The following DGKI variants were observed in gnomAD, a reference collection of about 807,000 sequenced individuals.
DGKI encodes the protein DAG kinase iota.
DGKI carries 55 observed loss-of-function variants against 147.5 expected under a neutral mutation model. The ratio of observed to expected loss-of-function variants is 0.37; its 90% CI spans 0.30 to 0.47. The LOEUF (loss-of-function observed/expected upper bound fraction) is 0.47. DGKI is among the 20% of genes least tolerant of loss of function. The pLI is 1.00. For synonymous variants in DGKI, 469 were observed against 477.1 expected (o/e 0.98, Z 0.22); for missense variants, 1,007 against 1,323.8 (o/e 0.76, Z 3.71).
intron 28 of DGKI, among the ~76,000 whole-genome samples, chr7:137,439,614 G>C (rs1276354080): frequency 6.6e-6 from 1 of 152,206 alleles, no homozygotes; most frequent in Non-Finnish European, 1.5e-5. Context: ...TTCAAGGTGA[G>C]ATTTAGGTGG....
At chr7:137,750,851 C>T (rs1465915820) in intron 1 of DGKI, among the ~76,000 whole-genome samples, 1 of 152,146 alleles carries the variant, frequency 6.6e-6, no homozygotes, top group East Asian at 1.9e-4. Context: ...TGATATTCTC[C>T]ACATCCACAG....
chr7:137,645,569 T>A (rs745329416), intron 5 of DGKI, 32 bp from the exon 6 acceptor site: 15 of 1,578,804 alleles, frequency 9.5e-6, no homozygotes, highest in East Asian at 2.4e-5. Context: ...TGAATATTTT[T>A]AAAAATTTAT....
chr7:137,770,858 TA>T (rs1217143071), intron 1 of DGKI, among the ~76,000 whole-genome samples: 1 of 152,144 alleles, frequency 6.6e-6, no homozygotes, highest in Non-Finnish European at 1.5e-5. Flanking sequence ...TAAAATATTT[TA>T]GGGCCTTTTT....
chr7:137,664,268 C>G (rs1456630490), intron 3 of DGKI, among the ~76,000 whole-genome samples: 1 of 151,418 alleles, frequency 6.6e-6, no homozygotes, highest in Non-Finnish European at 1.5e-5. Flanking sequence ...ATCCCAGCTA[C>G]CCGGGAGGCT....
intron 1 of DGKI, among the ~76,000 whole-genome samples, chr7:137,707,021 C>T (rs961546422): frequency 4.6e-5 from 7 of 152,192 alleles, no homozygotes; most frequent in African/African-American, 1.2e-4. Flanking sequence ...GCTATTTCCC[C>T]AGTCGTGACA....
chr7:137,620,201 A>G (rs1396660671), intron 7 of DGKI, among the ~76,000 whole-genome samples: 1 of 152,180 alleles, frequency 6.6e-6, no homozygotes, highest in Non-Finnish European at 1.5e-5. Context: ...TTACAAACTT[A>G]TAACATTGAT....
rs188378437 is a variant in DGKI, at chr7:137,644,813, T to C, written c.804+659A>G. Among the ~76,000 whole-genome samples the C allele has an allele frequency of 7.9e-5, 12 of 152,292 alleles. No individual in the cohort carries two copies. The East Asian group carries it at 2.1e-3, about 27-fold the overall frequency. On this transcript the variant is annotated intron_variant, in intron 6 of 32. Transcript: ENST00000614521. ...CTGTCATCCTTAAAGTAGATCTTTG[T>C]ACATTGGAAAAAGCTGTAACCCAAA...
chr7:137,469,573 G>C lies in DGKI; in HGVS notation c.2420C>G (p.Ser807Cys). 6.2e-7 allele frequency: 1 copy of C among 1,614,058 alleles called. No homozygotes were observed. The highest frequency in any genetic ancestry group is 1.7e-5 in the Admixed American group (1 of 60,006). The change falls in exon 24 of 33, where the codon TCT (serine) becomes TGT (cysteine). Residue 807 changes from serine (S) to cysteine (C), a missense_variant. Ser to Cys is a moderately radical substitution (Grantham distance 112). Around this residue, in one of 5 missense-constraint regions of DGKI, gnomAD observed 385 missense variants for 445.2 expected, o/e 0.86. Coordinates refer to ENST00000614521, the MANE Select transcript of DGKI (RefSeq NM_001321708.2). ...FPRALSAQRL[S>C]PRWCFLDATS... ...ACCATCTAGGAAGCACCACCGAGGAGAGAGCCTCTGTGCTGAGAGAGCCCT... is the reference window on the plus strand; with the variant it reads ...ACCATCTAGGAAGCACCACCGAGGACAGAGCCTCTGTGCTGAGAGAGCCCT...
intron 1 of DGKI, among the ~76,000 whole-genome samples, chr7:137,788,377 C>T (rs1048984174): frequency 1.3e-5 from 2 of 152,082 alleles, no homozygotes; most frequent in Admixed American, 6.6e-5. Flanking sequence ...TCCCCCTTCC[C>T]TTCCCTTCAC....
At chr7:137,665,994 C>A (rs1049544258) in intron 3 of DGKI, among the ~76,000 whole-genome samples, 3 of 152,122 alleles carry the variant, frequency 2.0e-5, no homozygotes, top group African/African-American at 7.2e-5. Context: ...TCAAAGCTAA[C>A]GTTCATGACT....
intron 20 of DGKI, among the ~76,000 whole-genome samples, chr7:137,541,795 T>C (rs1817713285): frequency 6.6e-6 from 1 of 151,392 alleles, no homozygotes; most frequent in South Asian, 2.1e-4. Flanking sequence ...AGAAAACCTA[T>C]AAAACTTTAG....
intron 1 of DGKI, among the ~76,000 whole-genome samples, chr7:137,702,260 T>C (rs1824009487): frequency 6.6e-6 from 1 of 152,046 alleles, no homozygotes; most frequent in East Asian, 1.9e-4. Context: ...CAAGATAGGA[T>C]GCAGAAACTT....
At chr7:137,600,558 ATATT>A (rs891351502) in intron 10 of DGKI, among the ~76,000 whole-genome samples, 1 of 152,182 alleles carries the variant, frequency 6.6e-6, no homozygotes, top group African/African-American at 2.4e-5. Context: ...TTAATGAATA[ATATT>A]TATTTTACTA....
chr7:137,421,783 C>T (rs1195427212), intron 28 of DGKI, among the ~76,000 whole-genome samples: 6 of 152,230 alleles, frequency 3.9e-5, no homozygotes, highest in Admixed American at 3.9e-4. Context: ...ACTGAAATCT[C>T]TATGGGACAG....
At chr7:137,568,815 T>G (rs970884104) in intron 19 of DGKI, among the ~76,000 whole-genome samples, 2 of 151,996 alleles carry the variant, frequency 1.3e-5, no homozygotes, top group African/African-American at 4.8e-5. Context: ...CTCCACTAAT[T>G]ACCCAGTTTC....
intron 1 of DGKI, among the ~76,000 whole-genome samples, chr7:137,704,493 G>GA (rs1793948773): frequency 6.6e-6 from 1 of 151,770 alleles, no homozygotes; most frequent in Non-Finnish European, 1.5e-5. Flanking sequence ...AGGGGATGAA[G>GA]AAAAAAACAG....
chr7:137,455,476 G>C (rs4728418), intron 27 of DGKI, among the ~76,000 whole-genome samples: 1 of 151,820 alleles, frequency 6.6e-6, no homozygotes, highest in East Asian at 1.9e-4. Context: ...CAAGAGCTGT[G>C]GGAGGTACTT....
chr7:137,747,111 AT>A (rs368590475), intron 1 of DGKI, among the ~76,000 whole-genome samples: 3 of 151,886 alleles, frequency 2.0e-5, no homozygotes, highest in South Asian at 2.1e-4. Context: ...GTGTAATCCT[AT>A]TTTTTTTAAT....
chr7:137,800,121 TC>T (rs1483736874), intron 1 of DGKI, among the ~76,000 whole-genome samples: 1 of 151,984 alleles, frequency 6.6e-6, no homozygotes, highest in East Asian at 1.9e-4. Flanking sequence ...GATTCCAATT[TC>T]CCCCCTATAG....
Sources: gnomAD v4.1 joint callset for allele counts (sites outside exome capture counted in the v4.1 genomes callset) on GRCh38, gnomAD v4.1.1 for gene constraint, gnomAD v4.1.1 regional missense constraint, MANE v1.5 for transcripts, NCBI Gene and HGNC (gene_info 2026-07-23, HGNC 2026-07-21) for gene names.